Variants in FHIT observed in about 807,000 individuals in gnomAD.
The protein encoded by FHIT is fragile histidine triad diadenosine triphosphatase.
Under a neutral mutation model 17.9 loss-of-function variants are expected in FHIT, and 19 were observed. The observed-to-expected ratio is 1.06, with a 90% CI of 0.74 to 1.56. The LOEUF (loss-of-function observed/expected upper bound fraction) is 1.56, where lower values mean the gene tolerates loss of function less well. Among genes scored for constraint, FHIT ranks in the 40% most tolerant of loss-of-function variants. The pLI is 0.00. For missense variants in FHIT, 248 were observed against 189.2 expected (o/e 1.31, Z -1.82); for synonymous variants, 81 against 69.7 (o/e 1.16, Z -0.81).
intron 3 of FHIT, among the ~76,000 whole-genome samples, chr3:60,983,478 A>C (rs1338237923): frequency 6.6e-6 from 1 of 152,164 alleles, no homozygotes; most frequent in African/African-American, 2.4e-5. Flanking sequence ...GGTTGCACAT[A>C]CGTGGGAGCT....
At chr3:60,219,029 CT>C (rs1703833988) in intron 5 of FHIT, among the ~76,000 whole-genome samples, 1 of 152,134 alleles carries the variant, frequency 6.6e-6, no homozygotes, top group Non-Finnish European at 1.5e-5. Context: ...CTGGAAATCA[CT>C]GAATTTTACT....
chr3:61,018,134 T>G (rs898658920), intron 3 of FHIT, among the ~76,000 whole-genome samples: 11 of 152,322 alleles, frequency 7.2e-5, no homozygotes, highest in Admixed American at 7.2e-4. Flanking sequence ...TCTATCATCC[T>G]TATTATACAG....
At chr3:60,886,130 A>G (rs1210707424) in intron 3 of FHIT, among the ~76,000 whole-genome samples, 2 of 152,214 alleles carry the variant, frequency 1.3e-5, no homozygotes, top group South Asian at 2.1e-4. Flanking sequence ...TCCTTATGTA[A>G]TATCGAATCC....
chr3:61,087,948 C>G (rs116798662), intron 2 of FHIT, among the ~76,000 whole-genome samples: 1 of 152,084 alleles, frequency 6.6e-6, no homozygotes, highest in Non-Finnish European at 1.5e-5. Context: ...AGAAGGAAAT[C>G]AAGGTAGCTT....
At chr3:60,877,852 C>T (rs1274060303) in intron 3 of FHIT, among the ~76,000 whole-genome samples, 1 of 152,070 alleles carries the variant, frequency 6.6e-6, no homozygotes, top group Non-Finnish European at 1.5e-5. Flanking sequence ...CACTGTGCTA[C>T]TCCCTGCCCT....
chr3:60,618,138 T>C (rs1162874429), intron 4 of FHIT: 2 of 153,512 alleles, frequency 1.3e-5, no homozygotes, highest in Non-Finnish European at 2.9e-5. Flanking sequence ...CTTTTCATTT[T>C]GAATTTGGGC....
chr3:60,293,192 G>C (rs1268841452), intron 5 of FHIT, among the ~76,000 whole-genome samples: 2 of 152,064 alleles, frequency 1.3e-5, no homozygotes, highest in Middle Eastern at 3.2e-3. Context: ...AGAAAGAAGA[G>C]GAGCCTAAAT....
intron 2 of FHIT, among the ~76,000 whole-genome samples, chr3:61,096,057 T>C (rs1366046702): frequency 6.6e-6 from 1 of 152,166 alleles, no homozygotes; most frequent in African/African-American, 2.4e-5. Context: ...TAATCAGAGG[T>C]GCCCTTTTTG....
intron 5 of FHIT, among the ~76,000 whole-genome samples, chr3:60,487,541 G>T (rs1211542942): frequency 6.6e-6 from 1 of 152,154 alleles, no homozygotes; most frequent in African/African-American, 2.4e-5. Flanking sequence ...ACAAAATGCA[G>T]ATCTTTGGTG....
chr3:60,447,559 T>C (rs2031427350), intron 5 of FHIT, among the ~76,000 whole-genome samples: 1 of 152,104 alleles, frequency 6.6e-6, no homozygotes, highest in South Asian at 2.1e-4. Flanking sequence ...AAACTTCAAA[T>C]AACCATAAAT....
chr3:61,131,907 G>A (rs1331205559), intron 2 of FHIT, among the ~76,000 whole-genome samples: 2 of 152,094 alleles, frequency 1.3e-5, no homozygotes, highest in African/African-American at 4.8e-5. Context: ...ATCTAAGAGG[G>A]TACTAAAATA....
intron 2 of FHIT, among the ~76,000 whole-genome samples, chr3:61,125,576 A>G (rs1044583455): frequency 6.6e-6 from 1 of 152,320 alleles, no homozygotes. Flanking sequence ...AAATCACTCA[A>G]TTCTTAATAG....
intron 3 of FHIT, among the ~76,000 whole-genome samples, chr3:61,013,561 C>T (rs1429022253): frequency 6.6e-6 from 1 of 152,036 alleles, no homozygotes; most frequent in Non-Finnish European, 1.5e-5. Context: ...AGAGTAATCC[C>T]TTTTTAAGTG....
intron 3 of FHIT, among the ~76,000 whole-genome samples, chr3:60,972,676 C>T (rs558532843): frequency 6.6e-6 from 1 of 152,096 alleles, no homozygotes; most frequent in East Asian, 1.9e-4. Context: ...CCTGAAATCT[C>T]CTCTTGGGCC....
intron 5 of FHIT, among the ~76,000 whole-genome samples, chr3:60,104,736 T>C (rs562674218): frequency 1.4e-4 from 22 of 152,242 alleles, no homozygotes; most frequent in African/African-American, 5.3e-4. Flanking sequence ...AGATAAAATT[T>C]AGAATTTTTA....
At chr3:59,984,376 A>T (rs540817082) in intron 7 of FHIT, among the ~76,000 whole-genome samples, 2 of 140,478 alleles carry the variant, frequency 1.4e-5, no homozygotes, top group South Asian at 4.4e-4. Flanking sequence ...GCTTCAAGCA[A>T]TTGGGGCTCA....
intron 4 of FHIT, among the ~76,000 whole-genome samples, chr3:60,545,772 T>C (rs942234005): frequency 2.0e-5 from 3 of 152,226 alleles, no homozygotes; most frequent in Admixed American, 1.3e-4. Context: ...TTGAAGCTTG[T>C]GTCTAATCCA....
chr3:60,170,369 G>A (rs1701363728), intron 5 of FHIT, among the ~76,000 whole-genome samples: 1 of 152,046 alleles, frequency 6.6e-6, no homozygotes, highest in Admixed American at 6.6e-5. Flanking sequence ...ATGAAGCTTG[G>A]TATCCCCACT....
chr3:59,950,549 G>GTTTA (rs34196742), intron 7 of FHIT, among the ~76,000 whole-genome samples: 151,093 of 152,264 alleles, frequency 0.99, 74,974 homozygotes, highest in Middle Eastern at 1. Flanking sequence ...TAAAAAAACT[G>GTTTA]TTTGTTTACT....
Sources: allele counts gnomAD v4.1 joint callset (sites outside exome capture counted in the v4.1 genomes callset), GRCh38; gene constraint gnomAD v4.1.1; transcripts MANE v1.5; gene names NCBI Gene and HGNC (gene_info 2026-07-23, HGNC 2026-07-21).